ARID3A: variants seen among roughly 807,000 people sequenced by gnomAD.
ARID3A encodes AT-rich interaction domain 3A, also known as AT-rich interactive domain-containing protein 3A.
Under a neutral mutation model 52.7 loss-of-function variants are expected in ARID3A, and 11 were observed. That is an observed-to-expected ratio of 0.21 (90% CI 0.13 to 0.35). ARID3A has a LOEUF of 0.35. Among genes scored for constraint, ARID3A ranks in the 10% least tolerant of loss-of-function variants. The pLI is 1.00. For missense variants in ARID3A, 721 were observed against 838.5 expected (o/e 0.86, Z 1.73); for synonymous variants, 404 against 359.4 (o/e 1.12, Z -1.40).
chr19:970,616 A>C (rs777902568), intron 8 of ARID3A, among the ~76,000 whole-genome samples: 60 of 145,272 alleles, frequency 4.1e-4, no homozygotes, highest in Non-Finnish European at 7.4e-4. Context: ...CTGGGATTAC[A>C]GGTGCATGCC....
intron 3 of ARID3A, among the ~76,000 whole-genome samples, chr19:958,778 A>G (rs916369691): frequency 2.0e-5 from 3 of 151,950 alleles, no homozygotes; most frequent in African/African-American, 7.3e-5. Context: ...CTGTAGTCCC[A>G]GCTACTCGGG....
chr19:954,646 C>T (rs1353648619), intron 3 of ARID3A, among the ~76,000 whole-genome samples: 4 of 152,118 alleles, frequency 2.6e-5, no homozygotes, highest in East Asian at 1.9e-4. Flanking sequence ...CCCGTGAGGC[C>T]GGTGGTCGGT....
At position 938,824 on chromosome 19, in the gene ARID3A, C is replaced by A. The variant is rs1314906170; in HGVS notation, c.693+6082C>A. Among the ~76,000 whole-genome samples, 4 of 152,294 alleles carry A rather than the reference C, an allele frequency of 2.6e-5. No individual in the cohort carries two copies. The East Asian group carries it at 5.8e-4, about 22-fold the overall frequency. On this transcript the variant is annotated intron_variant, in intron 3 of 8. Coordinates refer to ENST00000263620, the MANE Select transcript of ARID3A (RefSeq NM_005224.3). This position sits in a 1 kb window ranked among gnomAD's most constrained non-coding sequence, Gnocchi z 4.0. ...GGCAGCTCTCGGGAGTGAAGCGAGACCCCAGCAAGAAACGGGCATCCGGTT... is the reference window on the plus strand; with the variant it reads ...GGCAGCTCTCGGGAGTGAAGCGAGAACCCAGCAAGAAACGGGCATCCGGTT...
At chr19:966,422 C>T (rs1401384421) in intron 6 of ARID3A, 150 bp from the exon 7 acceptor site, 4 of 649,210 alleles carry the variant, frequency 6.2e-6, no homozygotes, top group Admixed American at 7.2e-5. Context: ...CGCACCATTG[C>T]ACTCCAGCCT....
Position 960,016 on chromosome 19 carries a change from C to A in ARID3A, c.694-76C>A. ...CCTGCTCCTGTCCTCCTGACCTGGC[C>A]TCCAGTGCAGGAGGGACATGGTTCC... On this transcript the variant is annotated intron_variant, in intron 3 of 8. Transcript: ENST00000263620. The surrounding 1 kb of genome is among the most constrained non-coding windows in gnomAD (Gnocchi z 4.3). 1 of 1,346,164 alleles carries A rather than the reference C, an allele frequency of 7.4e-7. No individual in the cohort carries two copies. The highest frequency in any genetic ancestry group is 1.0e-6 in the Non-Finnish European group (1 of 959,084). 83.4% of individuals were successfully genotyped at this position (1,346,164 alleles called of 1,614,324 possible). A position where few individuals can be genotyped will look rare whatever the true frequency, so the allele number is the denominator to read the frequency against.
intron 1 of ARID3A, among the ~76,000 whole-genome samples, chr19:926,671 C>T (rs992543009): frequency 6.6e-6 from 1 of 150,842 alleles, no homozygotes; most frequent in Non-Finnish European, 1.5e-5. Flanking sequence ...GACACCGCGG[C>T]CCCCGGGCGC....
rs539346447 is a variant in ARID3A, at chr19:959,934, C to T, written c.694-158C>T. 1.3e-5 allele frequency among the ~76,000 whole-genome samples: 2 copies of T among 152,268 alleles called. No homozygotes were observed. Among genetic ancestry groups the T allele is most frequent in the East Asian group, 3.9e-4 (2 of 5,176 alleles). On this transcript the variant is annotated intron_variant, in intron 3 of 8. Coordinates refer to ENST00000263620, the MANE Select transcript of ARID3A (RefSeq NM_005224.3). This position sits in a 1 kb window ranked among gnomAD's most constrained non-coding sequence, Gnocchi z 5.0. ...GTCTTGCAGCCTTGTGGTTCTTCACCTGCCCAGCGGGGTCTTCGGCTCTGG... is the reference window on the plus strand; with the variant it reads ...GTCTTGCAGCCTTGTGGTTCTTCACTTGCCCAGCGGGGTCTTCGGCTCTGG...
intron 3 of ARID3A, among the ~76,000 whole-genome samples, chr19:935,436 A>T (rs2037419209): frequency 6.6e-6 from 1 of 152,188 alleles, no homozygotes; most frequent in Admixed American, 6.5e-5. Flanking sequence ...TCACCCACAC[A>T]GCAGGCCCAG....
In ARID3A at chr19:929,811, C is replaced by T. The variant is rs755008780; in HGVS notation, c.283C>T (p.Arg95Trp). The T allele has an allele frequency of 1.9e-5, 30 of 1,545,834 alleles. No homozygotes were observed. Among genetic ancestry groups the T allele is most frequent in the Middle Eastern group, 3.4e-4 (2 of 5,932 alleles). Residue 95 changes from arginine to tryptophan, a missense_variant, in exon 2 of 9, where the codon CGG becomes TGG. Physicochemically the swap from Arg to Trp is moderately radical, Grantham distance 101. Transcript: ENST00000263620. This position sits in a 1 kb window ranked among gnomAD's most constrained non-coding sequence, Gnocchi z 6.2. ...AGGCTCGGAGGAGGAGGACGCGGCC[C>T]GGGAGGGGACACCGGGCTCACCCGG... ...PPGSEEEDAA[R>W]EGTPGSPGRG...
chr19:960,597 C>A lies in ARID3A; in HGVS notation c.766+433C>A, dbSNP rs974248652. 5.9e-5 allele frequency among the ~76,000 whole-genome samples: 9 copies of A among 151,994 alleles called. No homozygotes were observed. The highest frequency in any genetic ancestry group is 1.9e-4 in the African/African-American group (8 of 41,356). ...AGGACAGAAGCCCCCCGCCCGGCCG[C>A]GAGATGGCTTAGAGTCTAATGATCT... On this transcript the variant is annotated intron_variant, in intron 4 of 8. Coordinates refer to ENST00000263620, the MANE Select transcript of ARID3A (RefSeq NM_005224.3). This position sits in a 1 kb window ranked among gnomAD's most constrained non-coding sequence, Gnocchi z 4.3.
rs764430175 is a variant in ARID3A at position 964,480 on chromosome 19, G to A, written c.950+49G>A. Reference sequence around the variant, plus strand: ...AGGTCGGGCCAGGGCACTCTGAGCAGCCAGTGCAAGGGGCCTGCAGAAGAG... The same window carrying A: ...AGGTCGGGCCAGGGCACTCTGAGCAACCAGTGCAAGGGGCCTGCAGAAGAG... On this transcript the variant is annotated intron_variant, in intron 5 of 8. Coordinates refer to ENST00000263620, the MANE Select transcript of ARID3A (RefSeq NM_005224.3). This position sits in a 1 kb window ranked among gnomAD's most constrained non-coding sequence, Gnocchi z 5.7. The A allele has an allele frequency of 5.9e-6, 9 of 1,523,042 alleles. No homozygotes were observed. The South Asian group carries it at 7.5e-5, about 13-fold the overall frequency. 94.3% of individuals were successfully genotyped at this position (1,523,042 alleles called of 1,614,324 possible). A position where few individuals can be genotyped will look rare whatever the true frequency, so the allele number is the denominator to read the frequency against.
chr19:942,712 G>A lies in ARID3A; in HGVS notation c.693+9970G>A, dbSNP rs1266287978. ...AGGCTCAGGAAGTGAGCTCCCTGGG[G>A]ACCCAGGCCCCATGTCCAGAAGCCA... On this transcript the variant is annotated intron_variant, in intron 3 of 8. Transcript: ENST00000263620. This position sits in a 1 kb window ranked among gnomAD's most constrained non-coding sequence, Gnocchi z 8.1. 2.6e-5 allele frequency among the ~76,000 whole-genome samples: 4 copies of A among 152,316 alleles called. No homozygotes were observed. The highest frequency in any genetic ancestry group is 3.9e-4 in the East Asian group (2 of 5,176).
Position 929,886 on chromosome 19 carries a change from G to C in ARID3A, c.358G>C (p.Asp120His), listed in dbSNP as rs187709308. The change falls in exon 2 of 9, where the codon GAC becomes CAC. Residue 120 changes from aspartate to histidine, a missense_variant. Physicochemically the swap from Asp to His is moderately conservative, Grantham distance 81. Coordinates refer to ENST00000263620, the MANE Select transcript of ARID3A (RefSeq NM_005224.3). This position sits in a 1 kb window ranked among gnomAD's most constrained non-coding sequence, Gnocchi z 6.2. ...GGAGCACTTTGAGGACATGGCCTCC[G>C]ACGAGGACATGTGAGTTGGGGTCTG... ...GEEHFEDMAS[D>H]EDMKPKWEEE... The C allele has an allele frequency of 6.5e-7, 1 of 1,541,462 alleles. No individual in the cohort carries two copies. The highest frequency in any genetic ancestry group is 8.7e-7 in the Non-Finnish European group (1 of 1,146,846).
At chr19:951,512 C>T (rs961223217) in intron 3 of ARID3A, among the ~76,000 whole-genome samples, 1 of 152,030 alleles carries the variant, frequency 6.6e-6, no homozygotes, top group Non-Finnish European at 1.5e-5. Flanking sequence ...GACTGCATCA[C>T]TGCACTCCAG....
intron 3 of ARID3A, among the ~76,000 whole-genome samples, chr19:954,810 G>A (rs938580144): frequency 2.0e-5 from 3 of 151,870 alleles, no homozygotes; most frequent in South Asian, 2.1e-4. Context: ...GGGCGAAGGC[G>A]GCCGCTCGGG....
chr19:970,807 C>T (rs1599431832), intron 8 of ARID3A, among the ~76,000 whole-genome samples: 1 of 152,136 alleles, frequency 6.6e-6, no homozygotes, highest in East Asian at 1.9e-4. Flanking sequence ...TGGAGTCAGG[C>T]CGATGGTTCA....
At chr19:966,535 C>A in intron 6 of ARID3A, 37 bp from the exon 7 acceptor site, 1 of 1,494,714 alleles carries the variant, frequency 6.7e-7, no homozygotes, top group Non-Finnish European at 9.0e-7. Context: ...AGGGCCCAGC[C>A]CCTCCTGGCC....
At chr19:925,871 C>T (rs2037184412), upstream of ARID3A, 1 of 151,484 alleles carries the variant, frequency 6.6e-6, no homozygotes, top group Non-Finnish European at 1.5e-5. Flanking sequence ...AGTGGGGAGC[C>T]CTGGCGAGGC....
chr19:955,963 C>T (rs1251999219), intron 3 of ARID3A, among the ~76,000 whole-genome samples: 1 of 152,198 alleles, frequency 6.6e-6, no homozygotes, highest in East Asian at 1.9e-4. Flanking sequence ...CAGGAGGAGC[C>T]TTCCGCCTCT....
Sources: allele counts gnomAD v4.1 joint callset (sites outside exome capture counted in the v4.1 genomes callset), GRCh38; gene constraint gnomAD v4.1.1; non-coding constraint Gnocchi (gnomAD v3.1); transcripts MANE v1.5; gene names NCBI Gene and HGNC (gene_info 2026-07-23, HGNC 2026-07-21).